The following APOH variants were observed in gnomAD, a reference collection of about 807,000 sequenced individuals.
The protein encoded by APOH is apolipoprotein H, also known as beta-2-glycoprotein 1.
APOH carries 48 observed loss-of-function variants against 39.8 expected under a neutral mutation model. That is an observed-to-expected ratio of 1.21 (90% CI 0.96 to 1.54). APOH has a LOEUF of 1.54. APOH is among the 40% of genes most tolerant of loss of function. The pLI is 0.00. For synonymous variants in APOH, 153 were observed against 151.1 expected, an observed-to-expected ratio of 1.01 and a Z score of -0.09; for missense variants, 415 against 421.2, an observed-to-expected ratio of 0.99 and a Z score of 0.13.
chr17:66,228,256 T>C, intron 1 of APOH, 60 bp from the exon 2 acceptor site: 2 of 1,553,360 alleles, frequency 1.3e-6, no homozygotes, highest in Non-Finnish European at 1.7e-6. Context: ...AAAGTTCAGC[T>C]AAGCCCACAA....
intron 5 of APOH, among the ~76,000 whole-genome samples, chr17:66,220,230 T>A (rs999147367): frequency 2.0e-5 from 3 of 152,214 alleles, no homozygotes; most frequent in Non-Finnish European, 2.9e-5. Flanking sequence ...CTGCCTTTCA[T>A]GTCTCCCCCA....
Position 66,212,093 on chromosome 17 carries a change from G to A in APOH, c.*40C>T, listed in dbSNP as rs1241121413. 6.4e-7 allele frequency: 1 copy of A among 1,552,648 alleles called. No homozygotes were observed. The highest frequency in any genetic ancestry group is 8.9e-7 in the Non-Finnish European group (1 of 1,125,526). On this transcript the variant is annotated 3_prime_UTR_variant, in exon 8 of 8. Coordinates refer to ENST00000205948, the MANE Select transcript of APOH (RefSeq NM_000042.3). ...TCAATTAGGTTCCTTGGATGAACAA[G>A]AAACAAGTGTGACATTTTGTGTGGA...
Position 66,214,659 on chromosome 17 carries a change from G to C in APOH, c.785-9C>G. On this transcript the variant is annotated splice_polypyrimidine_tract_variant and intron_variant, in intron 6 of 7. Transcript: ENST00000205948. The stretch of plus-strand genomic sequence containing the variant: ...AGGTACTTTACAAGATGCTGAAAGA[G>C]AGAATACTTGTAATCAGGACTTAAG... 6 of 1,605,050 alleles carry C rather than the reference G, an allele frequency of 3.7e-6. No homozygotes were observed. Among genetic ancestry groups the C allele is most frequent in the Non-Finnish European group, 4.3e-6 (5 of 1,173,120 alleles).
chr17:66,222,101 T>A (rs1325900173), intron 4 of APOH, among the ~76,000 whole-genome samples: 1 of 152,192 alleles, frequency 6.6e-6, no homozygotes, highest in African/African-American at 2.4e-5. Context: ...GAAAGTGAGT[T>A]TATGGCTAGG....
intron 7 of APOH, among the ~76,000 whole-genome samples, chr17:66,212,518 G>A (rs1555571904): frequency 6.6e-6 from 1 of 152,100 alleles, no homozygotes; most frequent in Non-Finnish European, 1.5e-5. Context: ...CCGAGTAGCT[G>A]GGACTACAGG....
intron 7 of APOH, among the ~76,000 whole-genome samples, chr17:66,213,488 G>C (rs140802269): frequency 6.6e-6 from 1 of 152,140 alleles, no homozygotes; most frequent in African/African-American, 2.4e-5. Context: ...GTCACTTGGG[G>C]TGAGTTCTCT....
intron 3 of APOH, among the ~76,000 whole-genome samples, chr17:66,225,730 A>G (rs987055952): frequency 2.6e-5 from 4 of 152,188 alleles, no homozygotes; most frequent in African/African-American, 9.6e-5. Context: ...ACAAAAAATT[A>G]GCCGGGCGTG....
chr17:66,216,634 C>T (rs1304360044), intron 6 of APOH, among the ~76,000 whole-genome samples, 154 bp downstream of exon 6: 1 of 152,176 alleles, frequency 6.6e-6, no homozygotes, highest in Non-Finnish European at 1.5e-5. Context: ...ATGAGGCTTC[C>T]CCATGCACCT....
At position 66,228,154 on chromosome 17, in the gene APOH, G is replaced by A. The variant is rs371938974; in HGVS notation, c.107C>T (p.Pro36Leu). 5.3e-5 allele frequency: 86 copies of A among 1,613,986 alleles called. No homozygotes were observed. The highest frequency in any genetic ancestry group is 7.0e-5 in the Non-Finnish European group (83 of 1,180,016). ...PDDLPFSTVV[P>L]LKTFYEPGEE... ...TCCTGGCTCATAGAATGTTTTTAAC[G>A]GGACCACTGTGGAAAATGGTAAATC... Residue 36 changes from proline to leucine, a missense_variant, in exon 2 of 8, where the codon CCG becomes CTG. By Grantham distance (98) the Pro-to-Leu change is moderately conservative. Transcript: ENST00000205948.
chr17:66,216,698 G>A, intron 6 of APOH, 90 bp downstream of exon 6: 1 of 1,333,124 alleles, frequency 7.5e-7, no homozygotes, highest in Non-Finnish European at 1.0e-6. Flanking sequence ...AGCAACAAGT[G>A]GAAAAGTGTT....
At chr17:66,220,036 T>G (rs1247501953) in intron 5 of APOH, among the ~76,000 whole-genome samples, 2 of 152,236 alleles carry the variant, frequency 1.3e-5, no homozygotes, top group Non-Finnish European at 2.9e-5. Flanking sequence ...TTTCATAATT[T>G]CTTAAAAATC....
At chr17:66,218,314 T>TG (rs1207137045) in intron 5 of APOH, among the ~76,000 whole-genome samples, 2 of 144,858 alleles carry the variant, frequency 1.4e-5, no homozygotes, top group African/African-American at 4.9e-5. Context: ...TGACAGAATG[T>TG]ATTTTTTTTT....
chr17:66,213,667 G>A (rs571128491), intron 7 of APOH, among the ~76,000 whole-genome samples: 6 of 152,302 alleles, frequency 3.9e-5, no homozygotes, highest in African/African-American at 1.4e-4. Context: ...GGCTGGGCGC[G>A]TAGCTCATGC....
At chr17:66,226,893 T>TTG (rs1380190892) in intron 2 of APOH, among the ~76,000 whole-genome samples, 1 of 93,244 alleles carries the variant, frequency 1.1e-5, no homozygotes, top group Non-Finnish European at 2.1e-5. Flanking sequence ...ATTTATTTAT[T>TTG]TATTTTTTTT....
At chr17:66,219,180 G>A (rs2073382863) in intron 5 of APOH, among the ~76,000 whole-genome samples, 1 of 152,044 alleles carries the variant, frequency 6.6e-6, no homozygotes, top group South Asian at 2.1e-4. Flanking sequence ...TATCGTTGTT[G>A]TTATGTTATT....
At chr17:66,224,593 GAGAAAGAAAGAAAGAAAA>G (rs550038291) in intron 3 of APOH, among the ~76,000 whole-genome samples, 7 of 138,660 alleles carry the variant, frequency 5.0e-5, no homozygotes, top group Non-Finnish European at 7.6e-5. Flanking sequence ...GGGAGGGAAA[GAGAAAGAAAGAAAGAAAA>G]AGAAAGAAAG....
intron 6 of APOH, among the ~76,000 whole-genome samples, chr17:66,215,523 G>A (rs924656564): frequency 6.6e-6 from 1 of 152,138 alleles, no homozygotes; most frequent in Non-Finnish European, 1.5e-5. Flanking sequence ...AACTGTACTC[G>A]AATCCCCGTC....
intron 4 of APOH, 99 bp from the exon 5 acceptor site, chr17:66,220,841 A>C (rs1192258241): frequency 3.3e-6 from 4 of 1,227,104 alleles, no homozygotes; most frequent in Non-Finnish European, 4.5e-6. Flanking sequence ...TAAACTTGAG[A>C]AAATGCAAAC....
chr17:66,214,375 A>T, intron 7 of APOH, 78 bp downstream of exon 7: 4 of 1,409,912 alleles, frequency 2.8e-6, no homozygotes, highest in Non-Finnish European at 4.0e-6. Flanking sequence ...GGTTTTTGAC[A>T]ATCATTATAG....
Sources: gnomAD v4.1 joint callset for allele counts (sites outside exome capture counted in the v4.1 genomes callset) on GRCh38, gnomAD v4.1.1 for gene constraint, MANE v1.5 for transcripts, NCBI Gene and HGNC (gene_info 2026-07-23, HGNC 2026-07-21) for gene names.